Variants in STK31 observed in about 807,000 individuals in gnomAD.
STK31 encodes the protein serine/threonine kinase 31.
In STK31, 89 loss-of-function variants were observed where a neutral mutation model predicts 129.7. That is an observed-to-expected ratio of 0.69 (90% CI 0.58 to 0.82). The LOEUF (loss-of-function observed/expected upper bound fraction) is 0.82, where lower values mean the gene tolerates loss of function less well. Ranked by LOEUF, STK31 falls within the 40% of genes least tolerant of loss-of-function variation. The pLI is 0.00. For missense variants in STK31, 1,187 were observed against 1,176.4 expected (o/e 1.01, Z -0.13); for synonymous variants, 448 against 395.3 (o/e 1.13, Z -1.58).
chr7:23,781,381 C>T (rs778537166), intron 15 of STK31, 38 bp from the exon 16 acceptor site: 48 of 1,463,116 alleles, frequency 3.3e-5, no homozygotes, highest in Non-Finnish European at 4.5e-5. Flanking sequence ...CTTGTTTTCT[C>T]TATGTTAATA....
chr7:23,773,409 A>G (rs1326111731), intron 15 of STK31, among the ~76,000 whole-genome samples: 1 of 152,154 alleles, frequency 6.6e-6, no homozygotes, highest in African/African-American at 2.4e-5. Flanking sequence ...TCCATGGTGT[A>G]TATGTGCCAC....
chr7:23,714,727 G>T (rs1331440277), intron 3 of STK31, among the ~76,000 whole-genome samples: 1 of 151,938 alleles, frequency 6.6e-6, no homozygotes, highest in Non-Finnish European at 1.5e-5. Flanking sequence ...TTTGATTTCA[G>T]TTTACTTTAT....
chr7:23,713,220 G>A (rs1377645022), intron 3 of STK31, among the ~76,000 whole-genome samples: 1 of 152,108 alleles, frequency 6.6e-6, no homozygotes, highest in Non-Finnish European at 1.5e-5. Flanking sequence ...TGTACTGAAT[G>A]CTGCAGACAA....
At chr7:23,794,732 C>T (rs946932021) in intron 22 of STK31, among the ~76,000 whole-genome samples, 4 of 152,112 alleles carry the variant, frequency 2.6e-5, no homozygotes, top group Admixed American at 6.6e-5. Context: ...CTAGAATAAA[C>T]GCGACTCTTG....
chr7:23,786,960 T>C, intron 20 of STK31, 36 bp downstream of exon 20: 1 of 1,578,666 alleles, frequency 6.3e-7, no homozygotes, highest in South Asian at 1.1e-5. Flanking sequence ...CATGGATGTA[T>C]TAAATGAGAA....
In STK31 at chr7:23,781,499, T is replaced by C. The variant is rs768303528; in HGVS notation, c.2046T>C (p.Ile682=). The C allele has an allele frequency of 6.2e-7, 1 of 1,609,878 alleles. No individual in the cohort carries two copies. Among genetic ancestry groups the C allele is most frequent in the Non-Finnish European group, 8.5e-7 (1 of 1,178,222 alleles). Residue 682 remains isoleucine (I), a synonymous_variant, in exon 16 of 24, where the codon ATT becomes ATC. Coordinates refer to ENST00000355870, the MANE Select transcript of STK31 (RefSeq NM_031414.5). The part of the protein sequence containing the change: ...TQLRNNVFQE[I]YHEREEYEML... Reference sequence around the variant, plus strand: ...TGCGCAATAATGTCTTTCAGGAAATTTATCATGAGAGAGAGGAATATGTAA... The same window carrying C: ...TGCGCAATAATGTCTTTCAGGAAATCTATCATGAGAGAGAGGAATATGTAA...
intron 22 of STK31, 88 bp from the exon 23 acceptor site, chr7:23,815,054 TCA>T (rs1245348352): frequency 1.1e-6 from 1 of 881,476 alleles, no homozygotes; most frequent in Non-Finnish European, 1.7e-6. Flanking sequence ...TCTTTTCTAG[TCA>T]CCAGGATCTG....
intron 1 of STK31, among the ~76,000 whole-genome samples, chr7:23,711,505 A>C (rs1430593330): frequency 1.3e-5 from 2 of 151,922 alleles, no homozygotes; most frequent in Non-Finnish European, 2.9e-5. Context: ...GCAGTATTTT[A>C]GTATATTACA....
intron 23 of STK31, among the ~76,000 whole-genome samples, chr7:23,818,043 C>A (rs948225814): frequency 6.6e-6 from 1 of 151,958 alleles, no homozygotes; most frequent in Admixed American, 6.6e-5. Flanking sequence ...ACACAGTTAT[C>A]ACACCTTATA....
chr7:23,829,050 G>A (rs950476359), intron 23 of STK31, among the ~76,000 whole-genome samples: 13 of 151,724 alleles, frequency 8.6e-5, no homozygotes, highest in African/African-American at 1.7e-4. Flanking sequence ...ACAGGCGCCC[G>A]CCATGATGCC....
At chr7:23,793,997 A>G (rs1348469406) in intron 22 of STK31, among the ~76,000 whole-genome samples, 1 of 152,262 alleles carries the variant, frequency 6.6e-6, no homozygotes, top group Non-Finnish European at 1.5e-5. Flanking sequence ...CAACAGATGA[A>G]TGGAAAAACA....
intron 8 of STK31, among the ~76,000 whole-genome samples, chr7:23,751,738 CTAT>C (rs1788721239): frequency 6.6e-6 from 1 of 151,996 alleles, no homozygotes; most frequent in South Asian, 2.1e-4. Flanking sequence ...AAAAAAAGTT[CTAT>C]TATTATGCAA....
At chr7:23,781,346 T>C in intron 15 of STK31, 73 bp from the exon 16 acceptor site, 4 of 1,105,230 alleles carry the variant, frequency 3.6e-6, no homozygotes, top group Non-Finnish European at 4.0e-6. Flanking sequence ...TAATTTACTA[T>C]AGAACTTGAA....
chr7:23,818,718 A>G (rs1236688300), intron 23 of STK31, among the ~76,000 whole-genome samples: 1 of 151,948 alleles, frequency 6.6e-6, no homozygotes, highest in East Asian at 1.9e-4. Context: ...TCTGCCTCCC[A>G]GGTTCAAGTG....
At chr7:23,713,463 A>C (rs1786104431) in intron 3 of STK31, among the ~76,000 whole-genome samples, 1 of 152,118 alleles carries the variant, frequency 6.6e-6, no homozygotes, top group African/African-American at 2.4e-5. Flanking sequence ...GGCTACACTA[A>C]ATTTATAAAA....
rs759180194 is a variant in STK31 at position 23,771,044 on chromosome 7, T to C, written c.1753T>C (p.Tyr585His). Residue 585 changes from tyrosine to histidine, a missense_variant, in exon 14 of 24, where the codon TAT becomes CAT. Tyr to His is a moderately conservative substitution (Grantham distance 83). This residue lies in a region of STK31 where 975 missense variants were observed against 934.9 expected (regional missense o/e 1.04). Coordinates refer to ENST00000355870, the MANE Select transcript of STK31 (RefSeq NM_031414.5). ...DADKEIISNTYSQVLQKIHSE... is the reference protein window; with the variant it reads ...DADKEIISNTHSQVLQKIHSE... ...AGACAAGGAGATAATTTCAAATACATATAGTCAAGTACTGCAAAAGATTCA... is the reference window on the plus strand; with the variant it reads ...AGACAAGGAGATAATTTCAAATACACATAGTCAAGTACTGCAAAAGATTCA... 1.2e-6 allele frequency: 2 copies of C among 1,612,512 alleles called. No homozygotes were observed. Among genetic ancestry groups the C allele is most frequent in the Non-Finnish European group, 8.5e-7 (1 of 1,179,164 alleles).
At chr7:23,722,652 T>A (rs1339115069) in intron 4 of STK31, 1 of 152,376 alleles carries the variant, frequency 6.6e-6, no homozygotes, top group African/African-American at 2.4e-5. Context: ...AAGTTTCTGC[T>A]GCCTTTTGTT....
chr7:23,711,990 A>G (rs1038942669), intron 1 of STK31, 109 bp from the exon 2 acceptor site: 1 of 903,526 alleles, frequency 1.1e-6, no homozygotes, highest in Non-Finnish European at 1.6e-6. Flanking sequence ...TTGAATTTTG[A>G]TAACTGCATT....
intron 6 of STK31, among the ~76,000 whole-genome samples, chr7:23,730,878 A>ATTTT (rs60712892): frequency 1.7e-4 from 10 of 59,540 alleles, no homozygotes; most frequent in African/African-American, 2.9e-4. Flanking sequence ...ATATATATAT[A>ATTTT]TTTTTTTTTT....
Sources: allele counts gnomAD v4.1 joint callset (sites outside exome capture counted in the v4.1 genomes callset), GRCh38; gene constraint gnomAD v4.1.1; regional missense constraint gnomAD v4.1.1; transcripts MANE v1.5; gene names NCBI Gene and HGNC (gene_info 2026-07-23, HGNC 2026-07-21).